The following CNBD1 variants were observed in gnomAD, a reference collection of about 807,000 sequenced individuals.
CNBD1 encodes cyclic nucleotide binding domain containing 1.
In CNBD1, 71 loss-of-function variants were observed where a neutral mutation model predicts 54.4. The observed-to-expected ratio is 1.30, with a 90% CI of 1.08 to 1.59. The LOEUF (loss-of-function observed/expected upper bound fraction) is 1.59, where lower values mean the gene tolerates loss of function less well. Among genes scored for constraint, CNBD1 ranks in the 40% most tolerant of loss-of-function variants. CNBD1 has a pLI of 0.00. For missense variants in CNBD1, 659 were observed against 518.0 expected, an observed-to-expected ratio of 1.27 and a Z score of -2.64; for synonymous variants, 182 against 170.7, an observed-to-expected ratio of 1.07 and a Z score of -0.51.
At position 87,031,508 on chromosome 8, in the gene CNBD1, A is replaced by G. The variant is rs1315632916; in HGVS notation, c.431+91754A>G. Reference sequence around the variant, plus strand: ...AAGCATTTTCCACTATTTTTTCAGAATTATAATTTAGGAGCTACTCATACT... The same window carrying G: ...AAGCATTTTCCACTATTTTTTCAGAGTTATAATTTAGGAGCTACTCATACT... On this transcript the variant is annotated intron_variant, in intron 4 of 10. Coordinates refer to ENST00000518476, the MANE Select transcript of CNBD1 (RefSeq NM_173538.3). Among the ~76,000 whole-genome samples the G allele has an allele frequency of 3.9e-5, 6 of 152,158 alleles. No homozygotes were observed. The East Asian group carries it at 1.2e-3, about 29-fold the overall frequency.
At chr8:87,006,478 C>A (rs1007941894) in intron 4 of CNBD1, among the ~76,000 whole-genome samples, 1 of 152,132 alleles carries the variant, frequency 6.6e-6, no homozygotes, top group Admixed American at 6.6e-5. Flanking sequence ...GCAGGCTATA[C>A]AGGAAACATA....
chr8:87,405,469 A>G (rs973844015), intron 2 of CNBD1, among the ~76,000 whole-genome samples: 4 of 152,094 alleles, frequency 2.6e-5, no homozygotes, highest in African/African-American at 7.2e-5. Context: ...TAATGCAAGC[A>G]TATCCTTTGA....
At chr8:86,920,881 A>ATT (rs35442533) in intron 3 of CNBD1, among the ~76,000 whole-genome samples, 22 of 151,366 alleles carry the variant, frequency 1.5e-4, no homozygotes, top group Non-Finnish European at 2.7e-4. Flanking sequence ...TGTAATACTC[A>ATT]TTTTTTTTTC....
intron 4 of CNBD1, among the ~76,000 whole-genome samples, chr8:87,174,210 G>A (rs1014269545): frequency 3.3e-5 from 5 of 151,832 alleles, no homozygotes; most frequent in African/African-American, 7.3e-5. Context: ...TGCCCGCCTC[G>A]GCCTCCCAAA....
intron 4 of CNBD1, among the ~76,000 whole-genome samples, chr8:86,976,342 T>C (rs531141653): frequency 6.6e-6 from 1 of 151,974 alleles, no homozygotes; most frequent in South Asian, 2.1e-4. Flanking sequence ...TATTTTCTTC[T>C]TGTGGTTTTA....
At chr8:87,114,071 A>G (rs1044288595) in intron 4 of CNBD1, among the ~76,000 whole-genome samples, 10 of 152,234 alleles carry the variant, frequency 6.6e-5, no homozygotes, top group African/African-American at 2.4e-4. Flanking sequence ...GCATTAATCA[A>G]TATGATTAAT....
Position 87,356,495 on chromosome 8 carries a change from T to A in CNBD1, c.1303+2709T>A, listed in dbSNP as rs1013572732. On this transcript the variant is annotated intron_variant, in intron 10 of 10. Transcript: ENST00000518476. ...TGCATTGTGTCCATGCCCTAAAGAT[T>A]TGTGGAAAGTTAAACTTAAGAGTGG... is the stretch of plus-strand genomic sequence containing the variant. Among the ~76,000 whole-genome samples, 15 of 152,214 alleles carry A rather than the reference T, an allele frequency of 9.9e-5. No individual in the cohort carries two copies. The Middle Eastern group carries it at 0.017, about 173-fold the overall frequency.
intron 6 of CNBD1, among the ~76,000 whole-genome samples, chr8:87,278,331 G>T (rs1312809679): frequency 2.0e-5 from 3 of 151,446 alleles, no homozygotes; most frequent in East Asian, 1.9e-4. Flanking sequence ...TCTAATAACA[G>T]ATTTAAGTTG....
intron 4 of CNBD1, among the ~76,000 whole-genome samples, chr8:86,953,664 C>G (rs1198009498): frequency 1.3e-5 from 2 of 151,976 alleles, no homozygotes; most frequent in Non-Finnish European, 2.9e-5. Flanking sequence ...ATCAGGAGTT[C>G]AAGACTAGCC....
chr8:87,121,221 T>G (rs1211164969), intron 4 of CNBD1, among the ~76,000 whole-genome samples: 1 of 151,822 alleles, frequency 6.6e-6, no homozygotes. Context: ...AAACTACAAG[T>G]TATTTCCATG....
intron 4 of CNBD1, among the ~76,000 whole-genome samples, chr8:86,984,690 T>C (rs949142245): frequency 6.6e-6 from 1 of 152,188 alleles, no homozygotes; most frequent in Non-Finnish European, 1.5e-5. Flanking sequence ...TGGACTTGCA[T>C]GAGGCCTGCA....
At chr8:87,405,130 A>T (rs1211010565) in intron 2 of CNBD1, among the ~76,000 whole-genome samples, 1 of 152,078 alleles carries the variant, frequency 6.6e-6, no homozygotes, top group East Asian at 1.9e-4. Context: ...GCAGGACTTA[A>T]TATACTCAAC....
chr8:86,957,836 T>C (rs1369589194), intron 4 of CNBD1, among the ~76,000 whole-genome samples: 7 of 152,206 alleles, frequency 4.6e-5, no homozygotes, highest in African/African-American at 1.7e-4. Flanking sequence ...TCCTTCAGTT[T>C]TGCTCTGATC....
At chr8:87,280,172 G>A (rs1028181279) in intron 6 of CNBD1, among the ~76,000 whole-genome samples, 7 of 151,510 alleles carry the variant, frequency 4.6e-5, no homozygotes, top group East Asian at 3.9e-4. Context: ...ACATTCTCCC[G>A]AAGCATGTGA....
chr8:87,189,151 G>A (rs1039722171), intron 4 of CNBD1, among the ~76,000 whole-genome samples: 1 of 152,154 alleles, frequency 6.6e-6, no homozygotes, highest in Non-Finnish European at 1.5e-5. Flanking sequence ...TGGCTGCTGA[G>A]TGTGTTCAGG....
rs530328728 is a variant in CNBD1, at chr8:87,398,338, G to T, written c.214-30208G>T. On this transcript the variant is annotated intron_variant, in intron 2 of 7. Transcript: ENST00000521593. ...ATTCCTATTTGTTGCCAAATACAGGGCCCTCTTTTTCAGAGAAAATGGACT... is the reference window on the plus strand; with the variant it reads ...ATTCCTATTTGTTGCCAAATACAGGTCCCTCTTTTTCAGAGAAAATGGACT... Among the ~76,000 whole-genome samples the T allele has an allele frequency of 9.3e-5, 14 of 151,304 alleles. No homozygotes were observed. In the South Asian group the frequency reaches 2.7e-3, roughly 29 times the overall value.
At chr8:87,279,520 A>G (rs1035959779) in intron 6 of CNBD1, among the ~76,000 whole-genome samples, 1 of 151,446 alleles carries the variant, frequency 6.6e-6, no homozygotes, top group African/African-American at 2.4e-5. Context: ...AAAGTTGCAA[A>G]GTAAAATAAC....
rs1384034389 is a variant in CNBD1, at chr8:87,421,934, C to T, written c.214-6612C>T. Among the ~76,000 whole-genome samples, 45 of 148,998 alleles carry T rather than the reference C, an allele frequency of 3.0e-4. 1 individual carries two copies. The highest frequency in any genetic ancestry group is 3.4e-4 in the Non-Finnish European group (23 of 67,556). ...TATTTCTCCACATCCTCTCCAGCAC[C>T]TGTTGTTTCCTGACTTTTTAATGAT... is the stretch of plus-strand genomic sequence containing the variant. On this transcript the variant is annotated intron_variant, in intron 2 of 7. Transcript: ENST00000521593.
chr8:87,047,802 T>TC (rs1810228571), intron 4 of CNBD1, among the ~76,000 whole-genome samples: 1 of 152,074 alleles, frequency 6.6e-6, no homozygotes, highest in African/African-American at 2.4e-5. Flanking sequence ...ATAATCAAAG[T>TC]CCCCCTATAA....
Sources: gnomAD v4.1 joint callset for allele counts (sites outside exome capture counted in the v4.1 genomes callset) on GRCh38, gnomAD v4.1.1 for gene constraint, MANE v1.5 for transcripts, NCBI Gene and HGNC (gene_info 2026-07-23, HGNC 2026-07-21) for gene names.